USP34: variants seen among roughly 807,000 people sequenced by gnomAD.
USP34 encodes ubiquitin specific peptidase 34.
Under a neutral mutation model 460.3 loss-of-function variants are expected in USP34, and 70 were observed. The observed-to-expected ratio is 0.15, with a 90% CI of 0.13 to 0.19. USP34 has a LOEUF of 0.19. Ranked by LOEUF, USP34 falls within the 10% of genes least tolerant of loss-of-function variation. The pLI is 1.00. For missense variants in USP34, 3,985 were observed against 4,236.2 expected (o/e 0.94, Z 1.65); for synonymous variants, 1,647 against 1,405.3 (o/e 1.17, Z -3.85).
chr2:61,281,347 C>G, intron 37 of USP34, 105 bp from the exon 38 acceptor site: 1 of 1,384,824 alleles, frequency 7.2e-7, no homozygotes, highest in Non-Finnish European at 9.6e-7. Flanking sequence ...TTCTGCCGGG[C>G]AAGCCTGTAA....
chr2:61,380,113 A>T (rs1270777054), intron 7 of USP34, 56 bp downstream of exon 7: 1 of 1,516,812 alleles, frequency 6.6e-7, no homozygotes, highest in Non-Finnish European at 9.0e-7. Flanking sequence ...GGGTAGTATT[A>T]TGATAGACCA....
chr2:61,259,319 G>A (rs1267167349), intron 44 of USP34, among the ~76,000 whole-genome samples: 2 of 151,914 alleles, frequency 1.3e-5, no homozygotes, highest in Non-Finnish European at 2.9e-5. Context: ...TTATGACAAA[G>A]CCAGTTCAAA....
chr2:61,364,653 G>A (rs1692375181), intron 10 of USP34, among the ~76,000 whole-genome samples: 1 of 152,192 alleles, frequency 6.6e-6, no homozygotes, highest in African/African-American at 2.4e-5. Context: ...CCAAGGCCAG[G>A]AGCAGTGGCT....
At chr2:61,248,374 T>C in intron 49 of USP34, 137 bp downstream of exon 49, 2 of 789,680 alleles carry the variant, frequency 2.5e-6, no homozygotes, top group Non-Finnish European at 3.8e-6. Context: ...ACTGAATGCA[T>C]GACATTGTCT....
chr2:61,324,575 C>T (rs1421724219), intron 21 of USP34, among the ~76,000 whole-genome samples: 1 of 152,018 alleles, frequency 6.6e-6, no homozygotes, highest in Non-Finnish European at 1.5e-5. Flanking sequence ...GAGTTTGAGA[C>T]CAGCCTGGGC....
At chr2:61,329,182 T>C (rs1691185837) in intron 20 of USP34, among the ~76,000 whole-genome samples, 1 of 151,276 alleles carries the variant, frequency 6.6e-6, no homozygotes, top group South Asian at 2.1e-4. Context: ...CCACCACGCC[T>C]GCCTTTTTTT....
chr2:61,219,724 T>C (rs1426040234), intron 67 of USP34, among the ~76,000 whole-genome samples: 1 of 152,002 alleles, frequency 6.6e-6, no homozygotes, highest in Non-Finnish European at 1.5e-5. Flanking sequence ...TTATTGCTAC[T>C]TAAGTATCAA....
chr2:61,438,526 G>C (rs1336359414), intron 1 of USP34, among the ~76,000 whole-genome samples: 1 of 152,022 alleles, frequency 6.6e-6, no homozygotes, highest in Non-Finnish European at 1.5e-5. Context: ...CTTGAACCTG[G>C]GAGGCAGAGG....
intron 75 of USP34, chr2:61,194,310 G>A (rs1010045175): frequency 4.3e-5 from 42 of 985,124 alleles, no homozygotes; most frequent in South Asian, 4.7e-5. Flanking sequence ...TACCCACCAC[G>A]GTATCACCAC....
In USP34 at chr2:61,380,214, C is replaced by T. The variant is rs1692930009; in HGVS notation, c.969G>A (p.Met323Ile). The change falls in exon 7 of 80, where the codon ATG becomes ATA. Residue 323 changes from methionine to isoleucine, a missense_variant. Met to Ile is a conservative substitution (Grantham distance 10). Around this residue, in one of 14 missense-constraint regions of USP34, gnomAD observed 70 missense variants for 109.5 expected, o/e 0.64. Coordinates refer to ENST00000398571, the MANE Select transcript of USP34 (RefSeq NM_014709.4). ...ESLDLAFKYFMSPTLTMRLAG... is the reference protein window; with the variant it reads ...ESLDLAFKYFISPTLTMRLAG... The stretch of plus-strand genomic sequence containing the variant: ...CCAACCTCATAGTCAAAGTAGGTGA[C>T]ATAAAGTACTTAAATGCAAGATCTA... 1.2e-6 allele frequency: 2 copies of T among 1,613,926 alleles called. No homozygotes were observed. The highest frequency in any genetic ancestry group is 1.7e-6 in the Non-Finnish European group (2 of 1,179,960).
At chr2:61,257,812 T>C (rs988348635) in intron 44 of USP34, among the ~76,000 whole-genome samples, 2 of 152,014 alleles carry the variant, frequency 1.3e-5, no homozygotes, top group African/African-American at 4.8e-5. Flanking sequence ...GAGGCAGAGG[T>C]TGCAGTGAGC....
chr2:61,246,172 T>C, intron 50 of USP34, 152 bp downstream of exon 50: 1 of 506,544 alleles, frequency 2.0e-6, no homozygotes, highest in Admixed American at 4.0e-5. Context: ...TAAGAACTGA[T>C]TTACACTGTC....
intron 33 of USP34, among the ~76,000 whole-genome samples, chr2:61,289,461 C>T (rs1240035524): frequency 6.6e-6 from 1 of 151,992 alleles, no homozygotes; most frequent in Non-Finnish European, 1.5e-5. Context: ...TTACAGCTGA[C>T]TGGAAGCTCA....
At chr2:61,257,380 G>A (rs370182682) in intron 44 of USP34, 30 bp from the exon 45 acceptor site, 1 of 1,526,744 alleles carries the variant, frequency 6.5e-7, no homozygotes, top group South Asian at 1.3e-5. Context: ...CATTCTAAGT[G>A]TCAGATAAAA....
chr2:61,263,857 G>A (rs914047899), intron 43 of USP34, among the ~76,000 whole-genome samples: 1 of 152,080 alleles, frequency 6.6e-6, no homozygotes. Context: ...ACTTTCTAAT[G>A]GGGTTGTTTC....
chr2:61,286,241 G>C (rs1209092138), intron 34 of USP34, among the ~76,000 whole-genome samples: 1 of 152,110 alleles, frequency 6.6e-6, no homozygotes, highest in Non-Finnish European at 1.5e-5. Context: ...TCTGTCTTCA[G>C]TATTAACGCA....
rs1177967980 is a variant in USP34 at position 61,343,842 on chromosome 2, A to G, written c.2473T>C (p.Ser825Pro). 1.9e-6 allele frequency: 3 copies of G among 1,613,896 alleles called. No homozygotes were observed. Among genetic ancestry groups the G allele is most frequent in the Non-Finnish European group, 2.5e-6 (3 of 1,179,922 alleles). The stretch of plus-strand genomic sequence containing the variant: ...TGACTAAGATGTTCATGGTAAATGG[A>G]AGCTAAATTGGGAAGATGTTGTTGG... ...HLQQHLPNLA[S>P]IYHEHLSQGP... The change falls in exon 16 of 80, where the codon TCC (serine) becomes CCC (proline). Residue 825 changes from serine (S) to proline (P), a missense_variant. By Grantham distance (74) the Ser-to-Pro change is moderately conservative. This residue lies in a region of USP34 where 716 missense variants were observed against 626.2 expected (regional missense o/e 1.14). Transcript: ENST00000398571.
intron 75 of USP34, among the ~76,000 whole-genome samples, chr2:61,198,915 A>T (rs1021679438): frequency 6.6e-6 from 1 of 152,144 alleles, no homozygotes; most frequent in African/African-American, 2.4e-5. Context: ...TCATGTGGTT[A>T]CCAAACACTT....
At chr2:61,312,802 A>G (rs560761011) in intron 25 of USP34, among the ~76,000 whole-genome samples, 2 of 152,152 alleles carry the variant, frequency 1.3e-5, no homozygotes, top group Non-Finnish European at 2.9e-5. Context: ...GATACCAATA[A>G]CATGCTCTCT....
Sources: gnomAD v4.1 joint callset for allele counts (sites outside exome capture counted in the v4.1 genomes callset) on GRCh38, gnomAD v4.1.1 for gene constraint, gnomAD v4.1.1 regional missense constraint, MANE v1.5 for transcripts, NCBI Gene and HGNC (gene_info 2026-07-23, HGNC 2026-07-21) for gene names.